The following MTCH2 variants were observed in gnomAD, a reference collection of about 807,000 sequenced individuals.
MTCH2 encodes mitochondrial carrier 2, also known as mitochondrial carrier homolog 2.
In MTCH2, 25 loss-of-function variants were observed where a neutral mutation model predicts 50.6. That is an observed-to-expected ratio of 0.49 (90% confidence interval 0.36 to 0.69). The LOEUF (loss-of-function observed/expected upper bound fraction) is 0.69, where lower values mean the gene tolerates loss of function less well. Among genes scored for constraint, MTCH2 ranks in the 30% least tolerant of loss-of-function variants. The pLI is 0.00. For synonymous variants in MTCH2, 106 were observed against 132.0 expected (o/e 0.80, Z 1.35); for missense variants, 273 against 384.4 (o/e 0.71, Z 2.42).
downstream of MTCH2, chr11:47,617,311 A>C (rs1565959377): frequency 1.3e-5 from 2 of 152,248 alleles, no homozygotes; most frequent in Non-Finnish European, 2.9e-5. Flanking sequence ...CAGGATAAAC[A>C]TGGCACATTT....
intron 11 of MTCH2, among the ~76,000 whole-genome samples, chr11:47,624,514 A>G (rs2097296239): frequency 6.6e-6 from 1 of 152,142 alleles, no homozygotes; most frequent in South Asian, 2.1e-4. Flanking sequence ...AAATAACAAT[A>G]TGTTGGCTGG....
Position 47,642,490 on chromosome 11 carries a change from A to G in MTCH2, c.-25T>C. On this transcript the variant is annotated 5_prime_UTR_variant, in exon 1 of 13. Transcript: ENST00000302503. ...TGATGGCACCCGCGGGCGGACGGAC[A>G]GACAGACGGAGCCACCAAGCGACCC... The G allele has an allele frequency of 6.7e-7, 1 of 1,494,836 alleles. No homozygotes were observed. Among genetic ancestry groups the G allele is most frequent in the Non-Finnish European group, 8.9e-7 (1 of 1,125,670 alleles). The allele number at this position is 1,494,836 out of a possible 1,614,324, so 92.6% of individuals were successfully genotyped here.
chr11:47,612,334 G>A (rs2153797464), downstream of MTCH2, among the ~76,000 whole-genome samples: 1 of 152,238 alleles, frequency 6.6e-6, no homozygotes, highest in Non-Finnish European at 1.5e-5. Flanking sequence ...TTGGGAGGCT[G>A]AGATGGGCGG....
At chr11:47,640,374 C>T (rs2097312941) in intron 1 of MTCH2, among the ~76,000 whole-genome samples, 1 of 152,222 alleles carries the variant, frequency 6.6e-6, no homozygotes, top group East Asian at 1.9e-4. Flanking sequence ...TGTCTGAGCT[C>T]CCTGAAAGTG....
intron 6 of MTCH2, 39 bp downstream of exon 6, chr11:47,631,615 G>C: frequency 1.2e-6 from 2 of 1,605,832 alleles, no homozygotes; most frequent in Non-Finnish European, 1.7e-6. Context: ...GGAGAGATCA[G>C]GTTATAAAAG....
the MTCH2 span, among the ~76,000 whole-genome samples, chr11:47,611,214 C>T: frequency 1.3e-5 from 2 of 152,244 alleles, no homozygotes; most frequent in East Asian, 3.8e-4. Flanking sequence ...AAGCTACTCA[C>T]TTAATGACTG....
At chr11:47,627,484 G>C (rs1338701713) in intron 9 of MTCH2, among the ~76,000 whole-genome samples, 4 of 151,744 alleles carry the variant, frequency 2.6e-5, no homozygotes, top group Non-Finnish European at 4.4e-5. Flanking sequence ...ATGTTGCCTA[G>C]GCTGGTTTCA....
intron 3 of MTCH2, among the ~76,000 whole-genome samples, chr11:47,637,051 T>G (rs560138329): frequency 1.8e-4 from 28 of 151,564 alleles, no homozygotes; most frequent in Non-Finnish European, 1.2e-4. Context: ...GTGCAATGGT[T>G]CAATCTCAGC....
downstream of MTCH2, among the ~76,000 whole-genome samples, chr11:47,615,635 C>CTT (rs1303933723): frequency 1.4e-5 from 2 of 139,870 alleles, no homozygotes; most frequent in African/African-American, 2.6e-5. Context: ...CCTAAGGTTG[C>CTT]TTTTTTTTTT....
intron 12 of MTCH2, 146 bp downstream of exon 12, chr11:47,622,555 A>G (rs1269501357): frequency 4.8e-6 from 3 of 626,616 alleles, no homozygotes; most frequent in East Asian, 3.0e-5. Context: ...AGAACACTGT[A>G]AAGTGTACAT....
At chr11:47,606,554 C>T in the MTCH2 span, among the ~76,000 whole-genome samples, 108 of 152,310 alleles carry the variant, frequency 7.1e-4, no homozygotes, top group Admixed American at 3.0e-3. Flanking sequence ...TCAGCAAATG[C>T]GATAGCCTAA....
At position 47,618,540 on chromosome 11, in the gene MTCH2, A is replaced by G. The variant is rs2097290109; in HGVS notation, c.*293T>C. ...CCTTAAATTGAGACTCAAAAATCAC[A>G]TGACAAAGTGCCTGTAGCTTCAGGA... On this transcript the variant is annotated 3_prime_UTR_variant, in exon 13 of 13. Coordinates refer to ENST00000302503, the MANE Select transcript of MTCH2 (RefSeq NM_014342.4). 2 of 341,720 alleles carry G rather than the reference A, an allele frequency of 5.9e-6. No individual in the cohort carries two copies. Among genetic ancestry groups the G allele is most frequent in the Admixed American group, 4.8e-5 (1 of 20,742 alleles). The allele number at this position is 341,720 out of a possible 1,614,324, so 21.2% of individuals were successfully genotyped here. A position where few individuals can be genotyped will look rare whatever the true frequency, so the allele number is the denominator to read the frequency against.
At chr11:47,642,270 C>T in intron 1 of MTCH2, 109 bp downstream of exon 1, 1 of 908,118 alleles carries the variant, frequency 1.1e-6, no homozygotes. Context: ...GGAGCAGCAG[C>T]ATCTCGGGAG....
the MTCH2 span, among the ~76,000 whole-genome samples, chr11:47,609,457 CAAAAAAAAA>C: frequency 1.2e-4 from 5 of 40,138 alleles, no homozygotes; most frequent in Middle Eastern, 0.021. Context: ...GATTCTGTAT[CAAAAAAAAA>C]AAAAAAAAAA....
chr11:47,638,670 T>C (rs770940630), intron 3 of MTCH2, 29 bp downstream of exon 3: 12 of 1,542,864 alleles, frequency 7.8e-6, no homozygotes, highest in African/African-American at 2.7e-5. Flanking sequence ...GCAACATCTA[T>C]GGGAAGATTG....
downstream of MTCH2, among the ~76,000 whole-genome samples, chr11:47,612,437 G>A (rs183979956): frequency 5.7e-3 from 867 of 152,162 alleles, 10 homozygotes; most frequent in African/African-American, 0.019. Flanking sequence ...GCGTGGTGGC[G>A]GGCACCTGTA....
At chr11:47,623,789 C>T (rs1469279200) in intron 11 of MTCH2, among the ~76,000 whole-genome samples, 3 of 152,174 alleles carry the variant, frequency 2.0e-5, no homozygotes, top group Admixed American at 1.3e-4. Context: ...CAGTGGCTCA[C>T]GCCTGTAATC....
intron 12 of MTCH2, among the ~76,000 whole-genome samples, chr11:47,620,116 C>A (rs111242440): frequency 2.7e-5 from 4 of 150,926 alleles, no homozygotes; most frequent in African/African-American, 9.7e-5. Context: ...AACAAACAAA[C>A]AAAAAACAAA....
the MTCH2 span, among the ~76,000 whole-genome samples, chr11:47,611,479 T>C: frequency 6.6e-6 from 1 of 152,214 alleles, no homozygotes; most frequent in East Asian, 1.9e-4. Context: ...CTACTCTGTG[T>C]GGAAATAAAA....
Sources: allele counts gnomAD v4.1 joint callset (sites outside exome capture counted in the v4.1 genomes callset), GRCh38; gene constraint gnomAD v4.1.1; transcripts MANE v1.5; gene names NCBI Gene and HGNC (gene_info 2026-07-23, HGNC 2026-07-21).